Variants in ELP4 observed in about 807,000 individuals in gnomAD.
The protein encoded by ELP4 is elongator complex protein 4.
ELP4 carries 51 observed loss-of-function variants against 48.9 expected under a neutral mutation model. That is an observed-to-expected ratio of 1.04 (90% CI 0.83 to 1.32). The LOEUF (loss-of-function observed/expected upper bound fraction) is 1.32. ELP4 is among the 40% of genes most tolerant of loss of function. ELP4 has a pLI of 0.00. For synonymous variants in ELP4, 210 were observed against 189.2 expected, an observed-to-expected ratio of 1.11 and a Z score of -0.90; for missense variants, 519 against 514.6, an observed-to-expected ratio of 1.01 and a Z score of -0.08.
Position 31,636,931 on chromosome 11 carries a change from G to T in ELP4, c.927+4526G>T, listed in dbSNP as rs537284942. 9.9e-5 allele frequency among the ~76,000 whole-genome samples: 15 copies of T among 151,938 alleles called. No homozygotes were observed. In the South Asian group the frequency reaches 3.1e-3, roughly 32 times the overall value. ...TATAATCTTAAACAATTTTCCCTTT[G>T]AAGTAATATTATTACTCATATTGTC... On this transcript the variant is annotated intron_variant, in intron 7 of 9. Transcript: ENST00000640961.
chr11:31,555,221 T>C (rs2973124), intron 3 of ELP4, among the ~76,000 whole-genome samples: 14,638 of 152,146 alleles, frequency 0.096, 2,012 homozygotes, highest in African/African-American at 0.3. Flanking sequence ...TCGGTTGATA[T>C]GCAAGGGGTA....
chr11:31,704,418 G>A (rs1592238915), intron 9 of ELP4, among the ~76,000 whole-genome samples: 1 of 151,862 alleles, frequency 6.6e-6, no homozygotes, highest in African/African-American at 2.4e-5. Context: ...GTTCTCACTC[G>A]TAGGTGGGAA....
At position 31,790,010 on chromosome 11, in the gene ELP4, G is replaced by A. The variant is rs2134385014; in HGVS notation, c.*6486G>A. 1 of 1,529,572 alleles carries A rather than the reference G, an allele frequency of 6.5e-7. No homozygotes were observed. The highest frequency in any genetic ancestry group is 8.8e-7 in the Non-Finnish European group (1 of 1,138,894). 94.8% of individuals were successfully genotyped at this position (1,529,572 alleles called of 1,614,324 possible). ...TTGAACTGGAACTGACACACCAGGG[G>A]AAATGAGTCCTAGAAGTGGATGAAA... On this transcript the variant is annotated 3_prime_UTR_variant, in exon 10 of 10. Transcript: ENST00000640961.
At chr11:31,556,946 A>G (rs1956939953) in intron 3 of ELP4, among the ~76,000 whole-genome samples, 1 of 151,928 alleles carries the variant, frequency 6.6e-6, no homozygotes, top group South Asian at 2.1e-4. Flanking sequence ...GCAAATGAAT[A>G]ATTCAAATTT....
Position 31,510,134 on chromosome 11 carries a change from G to A in ELP4, c.223+127G>A, listed in dbSNP as rs139074022. ...CCTTCGGAGGAGGAGAGAATAGCCT[G>A]GTCTGATTGAGATGGAGGGGAATAC... On this transcript the variant is annotated intron_variant, in intron 1 of 9. Coordinates refer to ENST00000640961, the MANE Select transcript of ELP4 (RefSeq NM_019040.5). 68 of 845,378 alleles carry A rather than the reference G, an allele frequency of 8.0e-5. No individual in the cohort carries two copies. In the African/African-American group the frequency reaches 1.1e-3, roughly 13 times the overall value. 52.4% of individuals were successfully genotyped at this position (845,378 alleles called of 1,614,324 possible).
chr11:31,527,600 T>G (rs903588816), intron 2 of ELP4, among the ~76,000 whole-genome samples: 11 of 152,042 alleles, frequency 7.2e-5, no homozygotes, highest in Non-Finnish European at 8.8e-5. Context: ...CCTAATGACT[T>G]TTATCCTTTA....
chr11:31,529,690 A>G (rs148004649), intron 2 of ELP4, among the ~76,000 whole-genome samples: 20 of 152,308 alleles, frequency 1.3e-4, no homozygotes, highest in Middle Eastern at 3.4e-3. Context: ...TTTCTCATAT[A>G]GGAAAAGGAG....
intron 8 of ELP4, chr11:31,649,816 G>A (rs1420200910): frequency 4.3e-6 from 1 of 232,782 alleles, no homozygotes; most frequent in African/African-American, 2.2e-5. Context: ...AAATACAAGA[G>A]AAAATCACAC....
At position 31,698,813 on chromosome 11, in the gene ELP4, G is replaced by C. The variant is rs139632391; in HGVS notation, c.1143+48592G>C. ...GTTATGGAAATGGAATGAGGAGGAG[G>C]TGATTGCTGTATGAAGATCTTACAA... On this transcript the variant is annotated intron_variant, in intron 9 of 9. Transcript: ENST00000640961. Among the ~76,000 whole-genome samples, 257 of 152,262 alleles carry C rather than the reference G, an allele frequency of 1.7e-3. No homozygotes were observed. In the Middle Eastern group the frequency reaches 0.017, roughly 10 times the overall value.
chr11:31,511,377 T>G (rs193192834), intron 1 of ELP4: 2 of 152,178 alleles, frequency 1.3e-5, no homozygotes, highest in Admixed American at 6.5e-5. Context: ...ACTAAAACTT[T>G]CCAAACAAAA....
At chr11:31,740,063 C>G (rs970411008) in intron 9 of ELP4, among the ~76,000 whole-genome samples, 2 of 152,156 alleles carry the variant, frequency 1.3e-5, no homozygotes, top group African/African-American at 4.8e-5. Flanking sequence ...GTTTTATAGT[C>G]AGAGGTTATA....
At chr11:31,550,867 C>T (rs1212244805) in intron 3 of ELP4, among the ~76,000 whole-genome samples, 2 of 152,082 alleles carry the variant, frequency 1.3e-5, no homozygotes, top group Admixed American at 1.3e-4. Context: ...CTTGAGCATC[C>T]CAAAAAGCTA....
At chr11:31,614,227 T>G (rs927358232) in intron 5 of ELP4, among the ~76,000 whole-genome samples, 2 of 152,160 alleles carry the variant, frequency 1.3e-5, no homozygotes, top group South Asian at 4.1e-4. Flanking sequence ...GCAATGAGTA[T>G]ATCTCATGCT....
chr11:31,573,105 C>A (rs1475536776), intron 3 of ELP4, among the ~76,000 whole-genome samples: 1 of 152,176 alleles, frequency 6.6e-6, no homozygotes, highest in African/African-American at 2.4e-5. Context: ...ATAATTTTAT[C>A]AATTTCATAT....
chr11:31,660,244 G>A (rs1010393044), intron 9 of ELP4, among the ~76,000 whole-genome samples: 3 of 151,838 alleles, frequency 2.0e-5, no homozygotes, highest in East Asian at 3.9e-4. Flanking sequence ...TATTTCTGCC[G>A]GATCCATAAG....
At chr11:31,579,719 G>C (rs1212206439) in intron 3 of ELP4, among the ~76,000 whole-genome samples, 1 of 149,650 alleles carries the variant, frequency 6.7e-6, no homozygotes, top group Non-Finnish European at 1.5e-5. Flanking sequence ...CTCACTCATA[G>C]GTGGGAATTG....
At position 31,788,959 on chromosome 11, in the gene ELP4, A is replaced by G. The variant is rs1948961233; in HGVS notation, c.*5435A>G. On this transcript the variant is annotated 3_prime_UTR_variant, in exon 10 of 10. Coordinates refer to ENST00000640961, the MANE Select transcript of ELP4 (RefSeq NM_019040.5). Reference sequence around the variant, plus strand: ...ATAAAGGAAATACAAAGGCTTTGGCATGGTTTTTTACAATCAACAATGGTT... The same window carrying G: ...ATAAAGGAAATACAAAGGCTTTGGCGTGGTTTTTTACAATCAACAATGGTT... 1 of 199,932 alleles carries G rather than the reference A, an allele frequency of 5.0e-6. No homozygotes were observed. Among genetic ancestry groups the G allele is most frequent in the African/African-American group, 2.3e-5 (1 of 43,684 alleles). The allele number at this position is 199,932 out of a possible 1,614,324, so 12.4% of individuals were successfully genotyped here.
intron 9 of ELP4, among the ~76,000 whole-genome samples, chr11:31,713,375 T>C (rs959709641): frequency 1.3e-5 from 2 of 152,164 alleles, no homozygotes; most frequent in Non-Finnish European, 2.9e-5. Context: ...TCTGCCTCAA[T>C]CATTTCTTGC....
chr11:31,668,471 A>G (rs1592206900), intron 9 of ELP4, among the ~76,000 whole-genome samples: 1 of 151,840 alleles, frequency 6.6e-6, no homozygotes, highest in Admixed American at 6.6e-5. Flanking sequence ...ATTATTTTCC[A>G]GTAATGTGTT....
Sources: allele counts gnomAD v4.1 joint callset (sites outside exome capture counted in the v4.1 genomes callset), GRCh38; gene constraint gnomAD v4.1.1; transcripts MANE v1.5; gene names NCBI Gene and HGNC (gene_info 2026-07-23, HGNC 2026-07-21).